MAML3: variants seen among roughly 807,000 people sequenced by gnomAD.
MAML3 encodes the protein mastermind-like protein 3.
MAML3 carries 27 observed loss-of-function variants against 101.9 expected under a neutral mutation model. The observed-to-expected ratio is 0.27, with a 90% CI of 0.20 to 0.37. The LOEUF (loss-of-function observed/expected upper bound fraction) is 0.37, where lower values mean the gene tolerates loss of function less well. MAML3 is among the 10% of genes least tolerant of loss of function. The probability of loss-of-function intolerance (pLI) is 1.00; values close to 1 mark genes in which losing one functional copy is unlikely to be tolerated. For synonymous variants in MAML3, 501 were observed against 555.9 expected, an observed-to-expected ratio of 0.90 and a Z score of 1.39; for missense variants, 1,316 against 1,444.9, an observed-to-expected ratio of 0.91 and a Z score of 1.45.
At chr4:139,768,260 G>GTA in intron 2 of MAML3, among the ~76,000 whole-genome samples, 1 of 148,858 alleles carries the variant, frequency 6.7e-6, no homozygotes, top group Admixed American at 6.7e-5. Flanking sequence ...GTGTGTGTGT[G>GTA]TGTGTGTTGC....
intron 1 of MAML3, among the ~76,000 whole-genome samples, chr4:140,102,756 A>G (rs950853121): frequency 6.6e-6 from 1 of 152,152 alleles, no homozygotes; most frequent in African/African-American, 2.4e-5. Flanking sequence ...GCTCCCTGCC[A>G]TTATCTGTGG....
At chr4:140,122,843 C>T (rs1728630676) in intron 1 of MAML3, among the ~76,000 whole-genome samples, 1 of 149,304 alleles carries the variant, frequency 6.7e-6, no homozygotes, top group Non-Finnish European at 1.5e-5. Context: ...GCCATCATTT[C>T]TTAAAATAAA....
rs2111093517 is a variant in MAML3, at chr4:139,792,930, T to C, written c.2080-62263A>G. Among the ~76,000 whole-genome samples the C allele has an allele frequency of 2.6e-5, 4 of 152,138 alleles. No homozygotes were observed. In the South Asian group the frequency reaches 8.3e-4, roughly 32 times the overall value. Reference sequence around the variant, plus strand: ...AGGCTAATTTTTTTTGTATTTTTAGTAGAGACGGGGTTTCACCATGTTAGC... The same window carrying C: ...AGGCTAATTTTTTTTGTATTTTTAGCAGAGACGGGGTTTCACCATGTTAGC... On this transcript the variant is annotated intron_variant, in intron 2 of 4. Transcript: ENST00000509479.
At chr4:139,889,180 T>C (rs3733381) in intron 2 of MAML3, 177 bp downstream of exon 2, 1,058,562 of 1,220,334 alleles carry the variant, frequency 0.87, 467,453 homozygotes, top group South Asian at 0.91. Context: ...CCTTTTCCAT[T>C]TCTTAGGAGA....
chr4:140,057,822 C>T (rs2110932488), intron 1 of MAML3, among the ~76,000 whole-genome samples: 1 of 152,012 alleles, frequency 6.6e-6, no homozygotes, highest in East Asian at 1.9e-4. Flanking sequence ...CTATTTTTGT[C>T]CTTGTTGCTT....
intron 1 of MAML3, among the ~76,000 whole-genome samples, chr4:139,978,619 A>AAG (rs70943462): frequency 9.3e-5 from 14 of 150,928 alleles, no homozygotes; most frequent in Admixed American, 2.6e-4. Context: ...ATCAAAAAAA[A>AAG]AGAGAGAGAG....
intron 1 of MAML3, among the ~76,000 whole-genome samples, chr4:139,929,233 C>G (rs1294377370): frequency 6.6e-6 from 1 of 152,144 alleles, no homozygotes; most frequent in Non-Finnish European, 1.5e-5. Flanking sequence ...AGTGCTGTTA[C>G]TTTTTAGCAG....
At chr4:140,152,798 G>GCCCCCCCCCCCCCCCCCCCCCCCCCCCCC in intron 1 of MAML3, 62 bp downstream of exon 1, 1 of 1,555,828 alleles carries the variant, frequency 6.4e-7, no homozygotes, top group Non-Finnish European at 8.7e-7. Flanking sequence ...AGCTCCACGC[G>GCCCCCCCCCCCCCCCCCCCCCCCCCCCCC]CCCCCCACCA....
chr4:139,730,288 C>T lies in MAML3; in HGVS notation c.2331+128G>A, dbSNP rs573238998. Reference sequence around the variant, plus strand: ...TAAATTCTTCAGGTTCTCTTGTGATCCTGGGAAATGCTAGACCGTGAGCAT... The same window carrying T: ...TAAATTCTTCAGGTTCTCTTGTGATTCTGGGAAATGCTAGACCGTGAGCAT... On this transcript the variant is annotated intron_variant, in intron 3 of 4. Transcript: ENST00000509479. 8.7e-5 allele frequency: 71 copies of T among 811,730 alleles called. 3 individuals carry two copies. The South Asian group carries it at 1.1e-3, about 13-fold the overall frequency. 50.3% of individuals were successfully genotyped at this position (811,730 alleles called of 1,614,324 possible).
intron 1 of MAML3, among the ~76,000 whole-genome samples, chr4:140,024,368 T>C (rs1726786436): frequency 1.3e-5 from 2 of 152,108 alleles, no homozygotes; most frequent in Non-Finnish European, 2.9e-5. Context: ...GCTGGGACTA[T>C]AGGTGCACAT....
intron 2 of MAML3, among the ~76,000 whole-genome samples, chr4:139,765,291 A>G (rs1729836078): frequency 6.6e-6 from 1 of 152,266 alleles, no homozygotes; most frequent in Non-Finnish European, 1.5e-5. Flanking sequence ...GGAATATTAA[A>G]AATGAAATTA....
intron 1 of MAML3, among the ~76,000 whole-genome samples, chr4:140,149,353 G>T (rs904336917): frequency 1.3e-5 from 2 of 152,190 alleles, no homozygotes; most frequent in African/African-American, 4.8e-5. Flanking sequence ...AACAGGGCTG[G>T]TGAGGACTCA....
At chr4:139,733,131 G>A (rs939927501) in intron 2 of MAML3, among the ~76,000 whole-genome samples, 9 of 152,156 alleles carry the variant, frequency 5.9e-5, no homozygotes, top group African/African-American at 2.2e-4. Context: ...GGGACAAATG[G>A]CTGATTGGCT....
intron 1 of MAML3, among the ~76,000 whole-genome samples, chr4:140,141,365 T>A (rs1728977978): frequency 6.6e-6 from 1 of 152,218 alleles, no homozygotes; most frequent in Non-Finnish European, 1.5e-5. Context: ...CAGCAGGTTG[T>A]TATTACCATG....
chr4:139,821,376 C>T (rs1030079645), intron 2 of MAML3, among the ~76,000 whole-genome samples: 28 of 152,112 alleles, frequency 1.8e-4, no homozygotes, highest in Admixed American at 6.5e-4. Context: ...GCAGCACAAA[C>T]CCTACTGTGA....
At chr4:140,034,717 T>C (rs1310034658) in intron 1 of MAML3, among the ~76,000 whole-genome samples, 1 of 152,236 alleles carries the variant, frequency 6.6e-6, no homozygotes, top group Non-Finnish European at 1.5e-5. Flanking sequence ...AACTATTCAG[T>C]AGCTGAATTT....
rs1733028508 is a variant in MAML3 at position 139,916,380 on chromosome 4, T to C, written c.469-25413A>G. Among the ~76,000 whole-genome samples the C allele has an allele frequency of 2.0e-5, 3 of 152,218 alleles. No homozygotes were observed. The South Asian group carries it at 6.2e-4, about 32-fold the overall frequency. ...ACATTTCTGCTACTGAGTTACTGAG[T>C]TATAACTATACATTGGCCACTAACC... On this transcript the variant is annotated intron_variant, in intron 1 of 4. Transcript: ENST00000509479.
At chr4:139,945,174 T>C (rs552946251) in intron 1 of MAML3, among the ~76,000 whole-genome samples, 1 of 152,334 alleles carries the variant, frequency 6.6e-6, no homozygotes, top group East Asian at 1.9e-4. Flanking sequence ...TTTCTCCTTA[T>C]TTACTTGGGC....
intron 1 of MAML3, among the ~76,000 whole-genome samples, chr4:139,999,223 C>A (rs1020624190): frequency 6.6e-6 from 1 of 152,188 alleles, no homozygotes; most frequent in African/African-American, 2.4e-5. Context: ...ACTGGCCATA[C>A]CCAACCCACA....
Sources: allele counts gnomAD v4.1 joint callset (sites outside exome capture counted in the v4.1 genomes callset), GRCh38; gene constraint gnomAD v4.1.1; transcripts MANE v1.5; gene names NCBI Gene and HGNC (gene_info 2026-07-23, HGNC 2026-07-21).